TRIOBP: variants seen among roughly 807,000 people sequenced by gnomAD.
The protein encoded by TRIOBP is TRIO and F-actin-binding protein.
In TRIOBP, 169 loss-of-function variants were observed where a neutral mutation model predicts 238.8. The observed-to-expected ratio is 0.71, with a 90% confidence interval of 0.62 to 0.80. TRIOBP has a LOEUF of 0.80. TRIOBP is among the 30% of genes least tolerant of loss of function. The pLI, the probability that TRIOBP is intolerant of heterozygous loss-of-function variation, is 0.00. For missense variants in TRIOBP, 2,838 were observed against 3,122.6 expected, an observed-to-expected ratio of 0.91 and a Z score of 2.17; for synonymous variants, 1,150 against 1,274.4, an observed-to-expected ratio of 0.90 and a Z score of 2.08.
chr22:37,734,777 TC>T lies in TRIOBP; in HGVS notation c.4443del (p.Arg1482GlyfsTer25), dbSNP rs1163378034. On this transcript the variant is annotated frameshift_variant, in exon 9 of 24. Transcript: ENST00000644935. LOFTEE classifies it high-confidence loss of function. ...CCCGGAGGGAGCATGGGGGGGCACTTCCAGGGAGTACAAGGAGAGCTGGGGG... is the reference window on the plus strand; with the variant it reads ...CCCGGAGGGAGCATGGGGGGGCACTTCAGGGAGTACAAGGAGAGCTGGGGG... ...KAPEGAWGGT[S>X]REYKESWGQP... 1 of 1,611,768 alleles carries T rather than the reference TC, an allele frequency of 6.2e-7. No individual in the cohort carries two copies. Among genetic ancestry groups the T allele is most frequent in the African/African-American group, 1.3e-5 (1 of 74,824 alleles).
Position 37,725,991 on chromosome 22 carries a change from G to C in TRIOBP, c.3435G>C (p.Glu1145Asp), listed in dbSNP as rs748950216. The change falls in exon 7 of 24, where the codon GAG becomes GAC. Residue 1145 changes from glutamate (E) to aspartate (D), a missense_variant. Around this residue, in one of 5 missense-constraint regions of TRIOBP, gnomAD observed 2,096 missense variants for 2,137.4 expected, o/e 0.98. Transcript: ENST00000644935. ...LFQDLPRAST[E>D]SLVPSMDSLH... ...AGGACCTCCCCAGGGCCAGCACAGA[G>C]AGCCTTGTCCCTTCCATGGACTCTC... is the stretch of plus-strand genomic sequence containing the variant. The C allele has an allele frequency of 2.5e-6, 4 of 1,608,522 alleles. No individual in the cohort carries two copies. Among genetic ancestry groups the C allele is most frequent in the Non-Finnish European group, 3.4e-6 (4 of 1,178,592 alleles).
chr22:37,756,582 C>T lies in TRIOBP; in HGVS notation c.5687+923C>T, dbSNP rs936455915. On this transcript the variant is annotated intron_variant, in intron 15 of 23. Coordinates refer to ENST00000644935, the MANE Select transcript of TRIOBP (RefSeq NM_001039141.3). ...CCCAGCTGCTTTAAGAAAGAAACCC[C>T]GGGCACAGTAACTTCATCGAGATAG... Among the ~76,000 whole-genome samples, 11 of 152,200 alleles carry T rather than the reference C, an allele frequency of 7.2e-5. No homozygotes were observed. In the East Asian group the frequency reaches 1.7e-3, roughly 24 times the overall value.
chr22:37,758,057 G>A lies in TRIOBP; in HGVS notation c.6132G>A (p.Val2044=). The A allele has an allele frequency of 6.2e-7, 1 of 1,611,918 alleles. No homozygotes were observed. The highest frequency in any genetic ancestry group is 1.1e-5 in the South Asian group (1 of 91,026). The change falls in exon 16 of 24, where the codon GTG becomes GTA. Residue 2044 remains valine (V), a synonymous_variant. Transcript: ENST00000644935. ...EKLPLRENKR[V]PLTALLNQSR... is the part of the protein sequence containing the mutation. ...TGCCCCTGCGGGAGAATAAGCGGGT[G>A]CCCCTCACTGCCCTGCTCAACCAAA...
intron 6 of TRIOBP, among the ~76,000 whole-genome samples, chr22:37,716,924 G>C (rs1364825236): frequency 1.3e-5 from 2 of 152,214 alleles, no homozygotes; most frequent in Non-Finnish European, 2.9e-5. Context: ...AAAATCCCTA[G>C]GGTGATAATT....
chr22:37,711,408 GTC>G (rs1923228317), intron 4 of TRIOBP, among the ~76,000 whole-genome samples: 1 of 151,848 alleles, frequency 6.6e-6, no homozygotes, highest in East Asian at 1.9e-4. Context: ...GCGAAACCCT[GTC>G]TCTACTAACT....
In TRIOBP at chr22:37,726,361, G is replaced by T; in HGVS notation, c.3805G>T (p.Glu1269Ter). ...GETRHNLERE[E>*]YTVLADLPPP... Reference sequence around the variant, plus strand: ...GACCAGGCACAACTTGGAGCGGGAGGAGTACACTGTGCTGGCCGACCTGCC... The same window carrying T: ...GACCAGGCACAACTTGGAGCGGGAGTAGTACACTGTGCTGGCCGACCTGCC... The change falls in exon 7 of 24, where the codon GAG becomes TAG. Residue 1269 changes from glutamate to a stop codon, truncating the protein, a stop_gained. Coordinates refer to ENST00000644935, the MANE Select transcript of TRIOBP (RefSeq NM_001039141.3). LOFTEE classifies it high-confidence loss of function. The T allele has an allele frequency of 5.6e-6, 9 of 1,607,030 alleles. No individual in the cohort carries two copies. The highest frequency in any genetic ancestry group is 7.6e-6 in the Non-Finnish European group (9 of 1,176,942).
At chr22:37,700,755 A>G (rs561160374) in intron 2 of TRIOBP, among the ~76,000 whole-genome samples, 151 of 152,104 alleles carry the variant, frequency 9.9e-4, no homozygotes, top group Non-Finnish European at 1.7e-3. Flanking sequence ...GCAATGGCGC[A>G]ATCTTGGCTC....
chr22:37,734,641 G>A lies in TRIOBP; in HGVS notation c.4305G>A (p.Gly1435=), dbSNP rs760624280. ...GGCAGAGTCAGGAGGAACCGCCAGG[G>A]TCCCAGGGCCCTCATAGACACCTAG... ...GVWQSQEEPP[G]SQGPHRHLER... Residue 1435 remains glycine (G), a synonymous_variant, in exon 9 of 24, where the codon GGG becomes GGA. Transcript: ENST00000644935. The A allele has an allele frequency of 6.3e-7, 1 of 1,592,218 alleles. No individual in the cohort carries two copies. The highest frequency in any genetic ancestry group is 8.5e-7 in the Non-Finnish European group (1 of 1,169,962).
intron 17 of TRIOBP, chr22:37,759,713 C>G: frequency 6.7e-7 from 1 of 1,485,330 alleles, no homozygotes; most frequent in Non-Finnish European, 8.9e-7. Context: ...AGGGGAGCCT[C>G]CAGTAGCCCT....
At chr22:37,754,818 C>T in intron 12 of TRIOBP, 59 bp from the exon 13 acceptor site, 2 of 1,557,182 alleles carry the variant, frequency 1.3e-6, no homozygotes. Context: ...AGTTTGGCAG[C>T]CACACAGGAC....
chr22:37,755,166 G>T lies in TRIOBP; in HGVS notation c.5553G>T (p.Gln1851His), dbSNP rs1252577174. Residue 1851 changes from glutamine to histidine, a missense_variant, in exon 14 of 24, where the codon CAG (glutamine) becomes CAT (histidine). Coordinates refer to ENST00000644935, the MANE Select transcript of TRIOBP (RefSeq NM_001039141.3). The stretch of plus-strand genomic sequence containing the variant: ...CGGATGTCACTGAGTACGCGGTGCA[G>T]CGCAACTATGGCTTCCAGATCCACG... ...SCTDVTEYAVQRNYGFQIHTK... is the reference protein window; with the variant it reads ...SCTDVTEYAVHRNYGFQIHTK... 6.2e-7 allele frequency: 1 copy of T among 1,613,020 alleles called. No homozygotes were observed. Among genetic ancestry groups the T allele is most frequent in the African/African-American group, 1.3e-5 (1 of 74,912 alleles).
intron 2 of TRIOBP, among the ~76,000 whole-genome samples, chr22:37,698,108 G>A (rs551151642): frequency 1.3e-5 from 2 of 150,122 alleles, no homozygotes; most frequent in African/African-American, 4.9e-5. Flanking sequence ...GCTGCGGCAG[G>A]AGAATTGCTT....
chr22:37,759,333 C>T (rs758709937), intron 17 of TRIOBP, 69 bp downstream of exon 17: 66 of 1,519,370 alleles, frequency 4.3e-5, no homozygotes, highest in African/African-American at 8.2e-5. Flanking sequence ...CAGGAAACAG[C>T]TGAGATTTTG....
rs1366732793 is a variant in TRIOBP at position 37,701,423 on chromosome 22, C to CGG, written c.58_59insGG (p.Gln20ArgfsTer100). ...ACACTTTGAGGCCAACATACTTACC[C>CGG]AGAACCGCTGTCAAAACTGCTTCCA... On this transcript the variant is annotated frameshift_variant, in exon 3 of 24. Coordinates refer to ENST00000644935, the MANE Select transcript of TRIOBP (RefSeq NM_001039141.3). LOFTEE classifies it high-confidence loss of function. 4 of 1,613,768 alleles carry CGG rather than the reference C, an allele frequency of 2.5e-6. No individual in the cohort carries two copies. In the African/African-American group the frequency reaches 5.3e-5, roughly 22 times the overall value.
chr22:37,705,535 G>A (rs1000809897), intron 3 of TRIOBP, among the ~76,000 whole-genome samples: 2 of 152,012 alleles, frequency 1.3e-5, no homozygotes, highest in African/African-American at 4.8e-5. Context: ...GCGGCTTTGT[G>A]GACATGTTGA....
In TRIOBP at chr22:37,738,673, C is replaced by G. The variant is rs1260046304; in HGVS notation, c.5138C>G (p.Pro1713Arg). Residue 1713 changes from proline (P) to arginine (R), a missense_variant, in exon 10 of 24, where the codon CCA becomes CGA. Pro to Arg is a moderately radical substitution (Grantham distance 103). This residue lies in a region of TRIOBP where 2,096 missense variants were observed against 2,137.4 expected (regional missense o/e 0.98). Coordinates refer to ENST00000644935, the MANE Select transcript of TRIOBP (RefSeq NM_001039141.3). ...FQPEEPEESEPSRGQDPLTDQ... is the reference protein window; with the variant it reads ...FQPEEPEESERSRGQDPLTDQ... ...CCAGAGGAGCCTGAGGAGTCAGAAC[C>G]AAGCAGAGGCCAAGACCCCCTGACT... 6.2e-7 allele frequency: 1 copy of G among 1,613,858 alleles called. No individual in the cohort carries two copies. Among genetic ancestry groups the G allele is most frequent in the African/African-American group, 1.3e-5 (1 of 74,932 alleles).
Position 37,738,635 on chromosome 22 carries a change from T to C in TRIOBP, c.5107-7T>C. On this transcript the variant is annotated splice_region_variant and splice_polypyrimidine_tract_variant and intron_variant, in intron 9 of 23. Transcript: ENST00000644935. Reference sequence around the variant, plus strand: ...GGGCTAAGCTGTGTTCTTTTTTTAATCTCCAGTTCCAACCAGAGGAGCCTG... The same window carrying C: ...GGGCTAAGCTGTGTTCTTTTTTTAACCTCCAGTTCCAACCAGAGGAGCCTG... 1 of 1,613,662 alleles carries C rather than the reference T, an allele frequency of 6.2e-7. No homozygotes were observed. Among genetic ancestry groups the C allele is most frequent in the Non-Finnish European group, 8.5e-7 (1 of 1,179,852 alleles).
chr22:37,720,306 C>T (rs1923760806), intron 6 of TRIOBP, among the ~76,000 whole-genome samples: 2 of 152,002 alleles, frequency 1.3e-5, no homozygotes, highest in African/African-American at 2.4e-5. Context: ...CGTGAGTGAC[C>T]GTGCCCGGCC....
Position 37,734,706 on chromosome 22 carries a change from G to T in TRIOBP, c.4370G>T (p.Gly1457Val), listed in dbSNP as rs374419542. 3 of 1,607,752 alleles carry T rather than the reference G, an allele frequency of 1.9e-6. No individual in the cohort carries two copies. Among genetic ancestry groups the T allele is most frequent in the Non-Finnish European group, 2.5e-6 (3 of 1,177,626 alleles). ...WSSQEGGLGPGGWWGCGEPSL... is the reference protein window; with the variant it reads ...WSSQEGGLGPVGWWGCGEPSL... ...AGCCAGGAGGGAGGCCTGGGCCCTGGGGGCTGGTGGGGATGTGGAGAGCCC... is the reference window on the plus strand; with the variant it reads ...AGCCAGGAGGGAGGCCTGGGCCCTGTGGGCTGGTGGGGATGTGGAGAGCCC... Residue 1457 changes from glycine (G) to valine (V), a missense_variant, in exon 9 of 24, where the codon GGG becomes GTG. Physicochemically the swap from Gly to Val is moderately radical, Grantham distance 109 (BLOSUM62 -3). Coordinates refer to ENST00000644935, the MANE Select transcript of TRIOBP (RefSeq NM_001039141.3).
Sources: gnomAD v4.1 joint callset for allele counts (sites outside exome capture counted in the v4.1 genomes callset) on GRCh38, gnomAD v4.1.1 for gene constraint, gnomAD v4.1.1 regional missense constraint, MANE v1.5 for transcripts, NCBI Gene and HGNC (gene_info 2026-07-23, HGNC 2026-07-21) for gene names.